Variants in PPFIBP2 observed in about 807,000 individuals in gnomAD.
The protein encoded by PPFIBP2 is liprin-beta-2.
In PPFIBP2, 118 loss-of-function variants were observed where a neutral mutation model predicts 118.3. The ratio of observed to expected loss-of-function variants is 1.00; its 90% CI spans 0.86 to 1.16. PPFIBP2 has a LOEUF of 1.16. Among genes scored for constraint, PPFIBP2 ranks in the 50% most tolerant of loss-of-function variants. The probability of loss-of-function intolerance (pLI) is 0.00; values close to 1 mark genes in which losing one functional copy is unlikely to be tolerated. For missense variants in PPFIBP2, 1,195 were observed against 1,073.1 expected (o/e 1.11, Z -1.59); for synonymous variants, 414 against 397.4 (o/e 1.04, Z -0.50).
At chr11:7,569,420 T>G (rs1330673373) in intron 3 of PPFIBP2, among the ~76,000 whole-genome samples, 1 of 152,220 alleles carries the variant, frequency 6.6e-6, no homozygotes, top group East Asian at 1.9e-4. Context: ...TAAACTAGCA[T>G]CCTGCTCCTT....
intron 14 of PPFIBP2, among the ~76,000 whole-genome samples, chr11:7,639,500 A>AGTCAGTCAAG (rs1307737840): frequency 6.6e-6 from 1 of 152,104 alleles, no homozygotes; most frequent in Non-Finnish European, 1.5e-5. Context: ...TCAGCCCCAG[A>AGTCAGTCAAG]TTTGCACTTG....
chr11:7,654,737 G>A (rs1049488440), downstream of PPFIBP2, among the ~76,000 whole-genome samples: 5 of 152,192 alleles, frequency 3.3e-5, no homozygotes, highest in South Asian at 2.1e-4. Flanking sequence ...CTTATGTTGC[G>A]GTACAGGGAT....
chr11:7,612,895 G>T (rs1386925487), intron 6 of PPFIBP2, among the ~76,000 whole-genome samples: 1 of 152,164 alleles, frequency 6.6e-6, no homozygotes, highest in East Asian at 1.9e-4. Flanking sequence ...AAAACCACAG[G>T]GTACTGCTTA....
chr11:7,652,615 G>A (rs1037381895), intron 23 of PPFIBP2, among the ~76,000 whole-genome samples: 6 of 152,208 alleles, frequency 3.9e-5, no homozygotes, highest in Admixed American at 3.3e-4. Flanking sequence ...GCTATCCTAC[G>A]CGCCTTTAGA....
chr11:7,564,692 G>T (rs550583565), intron 2 of PPFIBP2, among the ~76,000 whole-genome samples: 2 of 152,352 alleles, frequency 1.3e-5, no homozygotes, highest in East Asian at 3.9e-4. Flanking sequence ...GCTCATGGGG[G>T]CTTGGAAGAT....
At chr11:7,641,937 C>T (rs991680103) in intron 16 of PPFIBP2, 1 of 415,774 alleles carries the variant, frequency 2.4e-6, no homozygotes, top group Non-Finnish European at 4.3e-6. Context: ...TGTATTCTCC[C>T]TTCTTAGGAG....
chr11:7,650,546 A>C (rs976589455), intron 21 of PPFIBP2, among the ~76,000 whole-genome samples: 2 of 152,262 alleles, frequency 1.3e-5, no homozygotes, highest in East Asian at 3.8e-4. Flanking sequence ...CACTGAAAGA[A>C]TAACTATAAT....
chr11:7,638,062 C>A (rs7119574), intron 14 of PPFIBP2, among the ~76,000 whole-genome samples: 14,859 of 152,208 alleles, frequency 0.098, 1,482 homozygotes, highest in African/African-American at 0.25. Context: ...AGGTCTCTAA[C>A]ATCTTTGAAC....
chr11:7,562,932 T>TATATAC (rs1854471958), intron 2 of PPFIBP2, among the ~76,000 whole-genome samples: 1 of 3,628 alleles, frequency 2.8e-4, no homozygotes, highest in South Asian at 5.1e-3. Flanking sequence ...TAAAGTTTTA[T>TATATAC]ATATATATAT....
chr11:7,651,857 G>T lies in PPFIBP2; in HGVS notation c.2436+13G>T. On this transcript the variant is annotated intron_variant, in intron 23 of 23. Transcript: ENST00000299492. Reference sequence around the variant, plus strand: ...AGCCAAAGTCCGGGTGAGTTGCAGAGCCTTTCTGGGTGGGCCCTGGGCTGC... The same window carrying T: ...AGCCAAAGTCCGGGTGAGTTGCAGATCCTTTCTGGGTGGGCCCTGGGCTGC... 1 of 1,601,516 alleles carries T rather than the reference G, an allele frequency of 6.2e-7. No homozygotes were observed. The highest frequency in any genetic ancestry group is 1.3e-5 in the African/African-American group (1 of 74,558).
At chr11:7,575,268 C>T (rs1172514459) in intron 3 of PPFIBP2, among the ~76,000 whole-genome samples, 2 of 152,206 alleles carry the variant, frequency 1.3e-5, no homozygotes, top group Admixed American at 6.5e-5. Flanking sequence ...ATCAGACACA[C>T]TTCTGACAGT....
At chr11:7,558,114 G>C (rs1417948596) in intron 2 of PPFIBP2, among the ~76,000 whole-genome samples, 1 of 152,224 alleles carries the variant, frequency 6.6e-6, no homozygotes, top group East Asian at 1.9e-4. Context: ...AATGTCAGTA[G>C]TTTGAAACAC....
At chr11:7,558,759 A>G (rs1319630203) in intron 2 of PPFIBP2, among the ~76,000 whole-genome samples, 10 of 152,112 alleles carry the variant, frequency 6.6e-5, no homozygotes, top group Non-Finnish European at 1.5e-4. Context: ...GTCTCAAAAA[A>G]AAAAAAAGAA....
Position 7,593,285 on chromosome 11 carries a change from A to G in PPFIBP2, c.372+61A>G, listed in dbSNP as rs907856031. On this transcript the variant is annotated intron_variant, in intron 4 of 23. Coordinates refer to ENST00000299492, the MANE Select transcript of PPFIBP2 (RefSeq NM_003621.5). ...TACCTCCTACTATGTAGCTTCCCCT[A>G]AGTGGAAGGGAAGCCCAAGAGATTT... The G allele has an allele frequency of 1.9e-6, 3 of 1,577,196 alleles. No individual in the cohort carries two copies. In the African/African-American group the frequency reaches 4.1e-5, roughly 21 times the overall value.
chr11:7,603,946 C>T (rs1229241883), intron 5 of PPFIBP2, among the ~76,000 whole-genome samples: 1 of 152,176 alleles, frequency 6.6e-6, no homozygotes, highest in African/African-American at 2.4e-5. Context: ...GCCTTTGCCC[C>T]TTATCCTCAG....
At chr11:7,645,022 G>A (rs372028523) in intron 17 of PPFIBP2, among the ~76,000 whole-genome samples, 23 of 55,188 alleles carry the variant, frequency 4.2e-4, no homozygotes, top group African/African-American at 1.5e-3. Flanking sequence ...GCAAGACTCC[G>A]TCTCAAAAAA....
intron 3 of PPFIBP2, among the ~76,000 whole-genome samples, chr11:7,566,168 C>T (rs1416004703): frequency 2.0e-5 from 3 of 151,976 alleles, no homozygotes; most frequent in Admixed American, 2.0e-4. Flanking sequence ...GACTGGTTAC[C>T]TCATTGATTT....
chr11:7,620,673 TA>T (rs1169633227), intron 6 of PPFIBP2, among the ~76,000 whole-genome samples: 3 of 152,186 alleles, frequency 2.0e-5, no homozygotes, highest in Non-Finnish European at 4.4e-5. Flanking sequence ...ACAGAGGACA[TA>T]GATGTCAGAG....
intron 6 of PPFIBP2, among the ~76,000 whole-genome samples, chr11:7,612,728 C>T (rs144194832): frequency 6.5e-4 from 99 of 152,300 alleles, no homozygotes; most frequent in African/African-American, 2.2e-3. Flanking sequence ...TAGGTTTCCA[C>T]GTGGAGGAAT....
Sources: allele counts gnomAD v4.1 joint callset (sites outside exome capture counted in the v4.1 genomes callset), GRCh38; gene constraint gnomAD v4.1.1; transcripts MANE v1.5; gene names NCBI Gene and HGNC (gene_info 2026-07-23, HGNC 2026-07-21).